Variants in CNTNAP2 observed in about 807,000 individuals in gnomAD.
CNTNAP2 encodes the protein contactin associated protein 2.
In CNTNAP2, 98 loss-of-function variants were observed where a neutral mutation model predicts 155.2. The observed-to-expected ratio is 0.63, with a 90% CI of 0.54 to 0.75. The LOEUF is 0.75. Ranked by LOEUF, CNTNAP2 falls within the 30% of genes least tolerant of loss-of-function variation. The pLI is 0.00. For synonymous variants in CNTNAP2, 651 were observed against 631.2 expected, an observed-to-expected ratio of 1.03 and a Z score of -0.47; for missense variants, 1,727 against 1,688.1, an observed-to-expected ratio of 1.02 and a Z score of -0.40.
chr7:146,415,080 C>T (rs190638178), intron 1 of CNTNAP2, among the ~76,000 whole-genome samples: 1 of 152,256 alleles, frequency 6.6e-6, no homozygotes, highest in Admixed American at 6.5e-5. Flanking sequence ...CCTAGTGAAG[C>T]AAGTTAGCTT....
intron 1 of CNTNAP2, among the ~76,000 whole-genome samples, chr7:146,464,111 A>G (rs1796679318): frequency 1.3e-5 from 2 of 151,628 alleles, no homozygotes; most frequent in African/African-American, 4.8e-5. Context: ...TCATTTTTTG[A>G]CCACAAAAAA....
chr7:147,294,041 G>T lies in CNTNAP2; in HGVS notation c.1349-6100G>T, dbSNP rs909129990. Among the ~76,000 whole-genome samples, 4 of 152,176 alleles carry T rather than the reference G, an allele frequency of 2.6e-5. No homozygotes were observed. The East Asian group carries it at 7.7e-4, about 29-fold the overall frequency. On this transcript the variant is annotated intron_variant, in intron 8 of 23. Transcript: ENST00000361727. ...TTTTATCATTACGAATTATAACAATGGTACATACCACACTGTATGTGGTAC... is the reference window on the plus strand; with the variant it reads ...TTTTATCATTACGAATTATAACAATTGTACATACCACACTGTATGTGGTAC...
intron 17 of CNTNAP2, among the ~76,000 whole-genome samples, chr7:148,152,454 T>G (rs1466282041): frequency 6.6e-6 from 1 of 151,514 alleles, no homozygotes; most frequent in Non-Finnish European, 1.5e-5. Context: ...AATGCAAAAA[T>G]CTGAAAAAAA....
At chr7:146,580,429 T>C (rs1239194880) in intron 1 of CNTNAP2, among the ~76,000 whole-genome samples, 1 of 149,586 alleles carries the variant, frequency 6.7e-6, no homozygotes, top group Admixed American at 6.7e-5. Context: ...AATTACAGAA[T>C]CCTCAGAACA....
At chr7:146,401,795 C>T (rs1256051358) in intron 1 of CNTNAP2, among the ~76,000 whole-genome samples, 1 of 152,078 alleles carries the variant, frequency 6.6e-6, no homozygotes. Context: ...CTAGACAAAA[C>T]AGTGTAATTT....
chr7:147,655,875 A>G (rs1795518523), intron 13 of CNTNAP2, among the ~76,000 whole-genome samples: 1 of 152,238 alleles, frequency 6.6e-6, no homozygotes, highest in Admixed American at 6.5e-5. Flanking sequence ...TGAGTGTCCT[A>G]GATGGCATCC....
intron 13 of CNTNAP2, among the ~76,000 whole-genome samples, chr7:147,893,246 C>A (rs28517705): frequency 1.3e-5 from 2 of 151,842 alleles, no homozygotes; most frequent in Admixed American, 1.3e-4. Context: ...TTTTAAAGTT[C>A]TTAATTTAAA....
intron 1 of CNTNAP2, among the ~76,000 whole-genome samples, chr7:146,703,925 A>T (rs10268040): frequency 0.07 from 10,651 of 151,794 alleles, 945 homozygotes; most frequent in African/African-American, 0.21. Flanking sequence ...TCTTTATTTT[A>T]ATTTTTTTCT....
At chr7:148,151,787 C>T (rs1416340333) in intron 17 of CNTNAP2, among the ~76,000 whole-genome samples, 4 of 152,198 alleles carry the variant, frequency 2.6e-5, no homozygotes, top group African/African-American at 7.2e-5. Flanking sequence ...TACAGGAAAG[C>T]TCACATGCAG....
intron 15 of CNTNAP2, among the ~76,000 whole-genome samples, chr7:148,031,559 A>T (rs912734922): frequency 2.0e-5 from 3 of 152,238 alleles, no homozygotes; most frequent in African/African-American, 7.2e-5. Context: ...AGTGCTACTT[A>T]ATAGAAAGTA....
chr7:147,930,745 T>A (rs1800486295), intron 14 of CNTNAP2, among the ~76,000 whole-genome samples: 1 of 152,200 alleles, frequency 6.6e-6, no homozygotes, highest in African/African-American at 2.4e-5. Flanking sequence ...AGAATTCACA[T>A]CCTTCTCAAA....
At chr7:147,108,566 T>C (rs1430923970) in intron 5 of CNTNAP2, among the ~76,000 whole-genome samples, 1 of 152,190 alleles carries the variant, frequency 6.6e-6, no homozygotes, top group Non-Finnish European at 1.5e-5. Flanking sequence ...TATACTAGTC[T>C]TTGGCCTACA....
intron 21 of CNTNAP2, among the ~76,000 whole-genome samples, chr7:148,300,580 A>C (rs1797367711): frequency 6.6e-6 from 1 of 151,758 alleles, no homozygotes; most frequent in African/African-American, 2.4e-5. Context: ...AAGCAGGAAA[A>C]AAAAAAAAAA....
chr7:148,347,251 C>T (rs1014402639), intron 21 of CNTNAP2, among the ~76,000 whole-genome samples: 3 of 148,642 alleles, frequency 2.0e-5, no homozygotes, highest in African/African-American at 7.4e-5. Flanking sequence ...AGTGAGACTC[C>T]GTCTCAAAAA....
chr7:148,049,754 T>C (rs1458945771), intron 15 of CNTNAP2, among the ~76,000 whole-genome samples: 1 of 152,252 alleles, frequency 6.6e-6, no homozygotes, highest in Non-Finnish European at 1.5e-5. Context: ...TACAATTATG[T>C]ACAGTAATAC....
intron 3 of CNTNAP2, 93 bp from the exon 4 acceptor site, chr7:147,043,814 T>C (rs932203149): frequency 2.1e-6 from 3 of 1,437,884 alleles, no homozygotes; most frequent in African/African-American, 2.8e-5. Context: ...AGCCCTACCA[T>C]TGGATGACAT....
At chr7:146,820,675 A>G (rs932915841) in intron 2 of CNTNAP2, among the ~76,000 whole-genome samples, 2 of 152,088 alleles carry the variant, frequency 1.3e-5, no homozygotes, top group African/African-American at 2.4e-5. Flanking sequence ...GTAGATGTCT[A>G]TTAGGTCTGC....
chr7:147,628,783 A>C (rs1221348456), intron 12 of CNTNAP2, among the ~76,000 whole-genome samples: 2 of 151,792 alleles, frequency 1.3e-5, no homozygotes, highest in Non-Finnish European at 2.9e-5. Context: ...GTGGAAAAAG[A>C]TATTCCATGC....
intron 1 of CNTNAP2, among the ~76,000 whole-genome samples, chr7:146,605,056 C>T (rs1465908799): frequency 7.1e-6 from 1 of 140,372 alleles, no homozygotes; most frequent in Non-Finnish European, 1.5e-5. Context: ...CACATGTACC[C>T]TAAAACTTAA....
Sources: allele counts gnomAD v4.1 joint callset (sites outside exome capture counted in the v4.1 genomes callset), GRCh38; gene constraint gnomAD v4.1.1; transcripts MANE v1.5; gene names NCBI Gene and HGNC (gene_info 2026-07-23, HGNC 2026-07-21).